COL4A5: variants seen among roughly 807,000 people sequenced by gnomAD.
The protein encoded by COL4A5 is collagen type IV alpha 5 chain.
Under a neutral mutation model 130.2 loss-of-function variants are expected in COL4A5, and 26 were observed. The observed-to-expected ratio is 0.20, with a 90% CI of 0.15 to 0.28. The LOEUF is 0.28. Among genes scored for constraint, COL4A5 ranks in the 10% least tolerant of loss-of-function variants. COL4A5 has a pLI of 1.00. For synonymous variants in COL4A5, 496 were observed against 439.6 expected, an observed-to-expected ratio of 1.13 and a Z score of -1.60; for missense variants, 1,131 against 1,344.3, an observed-to-expected ratio of 0.84 and a Z score of 2.48.
At chrX:108,577,499 T>G (rs2147769221) in intron 10 of COL4A5, among the ~76,000 whole-genome samples, 1 of 111,046 alleles carries the variant, frequency 9.0e-6, no homozygotes, top group Admixed American at 9.6e-5. Context: ...ATTTAATTTT[T>G]TAAACCTTGA....
At chrX:108,471,808 A>G (rs1346894340) in intron 1 of COL4A5, among the ~76,000 whole-genome samples, 1 of 110,875 alleles carries the variant, frequency 9.0e-6, no homozygotes, top group Non-Finnish European at 1.9e-5. Context: ...GATTGTCTCG[A>G]TTGTTTTTAT....
chrX:108,582,826 G>T, intron 16 of COL4A5, 58 bp from the exon 17 acceptor site: 1 of 959,280 alleles, frequency 1.0e-6, no homozygotes, highest in Non-Finnish European at 1.5e-6. Context: ...GACAATCTTT[G>T]GAGATTTCCT....
At chrX:108,509,058 A>G (rs1569479266) in intron 1 of COL4A5, among the ~76,000 whole-genome samples, 1 of 112,672 alleles carries the variant, frequency 8.9e-6, no homozygotes, top group African/African-American at 3.2e-5. Flanking sequence ...AAAATTGGCA[A>G]TGCGATCTAA....
At chrX:108,586,775 T>C (rs1487822349) in intron 19 of COL4A5, 28 bp downstream of exon 19, 1 of 1,192,664 alleles carries the variant, frequency 8.4e-7, no homozygotes, top group East Asian at 3.0e-5. Context: ...TATGGCCTTG[T>C]TCTTATAGCA....
chrX:108,566,190 A>G (rs1225438150), intron 4 of COL4A5, among the ~76,000 whole-genome samples: 3 of 110,457 alleles, frequency 2.7e-5, no homozygotes, highest in Non-Finnish European at 5.7e-5. Context: ...TAGGACAATG[A>G]GTTGCTACAC....
intron 37 of COL4A5, among the ~76,000 whole-genome samples, chrX:108,663,953 G>T (rs772110177): frequency 9.0e-4 from 101 of 111,952 alleles, no homozygotes; most frequent in Non-Finnish European, 1.8e-3. Flanking sequence ...TTGTGAGGCT[G>T]AGGCGGGCAG....
intron 47 of COL4A5, among the ~76,000 whole-genome samples, chrX:108,682,950 T>C (rs1443367495): frequency 2.7e-5 from 3 of 112,273 alleles, no homozygotes; most frequent in African/African-American, 9.7e-5. Context: ...TTTGGTGTTT[T>C]AGTCATGAAG....
intron 1 of COL4A5, among the ~76,000 whole-genome samples, chrX:108,461,331 G>A (rs969228371): frequency 9.0e-6 from 1 of 111,117 alleles, no homozygotes; most frequent in African/African-American, 3.3e-5. Flanking sequence ...CCCCTCAGAT[G>A]GTTAATGTTA....
rs140753501 is a variant in COL4A5, at chrX:108,621,838, G to A, written c.2713G>A (p.Gly905Ser). 8.3e-7 allele frequency: 1 copy of A among 1,208,425 alleles called. No individual in the cohort carries two copies. The highest frequency in any genetic ancestry group is 1.1e-6 in the Non-Finnish European group (1 of 893,901). The change falls in exon 32 of 53, where the codon GGC (glycine) becomes AGC (serine). Residue 905 changes from glycine (G) to serine (S), a missense_variant. By Grantham distance (56) the Gly-to-Ser change is moderately conservative. Transcript: ENST00000328300. ...TGAAATGGGTATGATGGGACCTCCA[G>A]GCCCACCAGGACCTTTGGGAATTCC... ...KGEMGMMGPP[G>S]PPGPLGIPGR...
chrX:108,455,869 T>C (rs1331288261), intron 1 of COL4A5, among the ~76,000 whole-genome samples: 1 of 112,252 alleles, frequency 8.9e-6, no homozygotes, highest in Non-Finnish European at 1.9e-5. Flanking sequence ...AGTATCACAC[T>C]GTATTGATTA....
At chrX:108,678,155 C>T (rs180739824) in intron 44 of COL4A5, among the ~76,000 whole-genome samples, 1 of 105,200 alleles carries the variant, frequency 9.5e-6, no homozygotes, top group African/African-American at 4.0e-5. Context: ...GTTTGAGTGA[C>T]CCAGAGCAGA....
chrX:108,542,212 G>A (rs1439549531), intron 2 of COL4A5, among the ~76,000 whole-genome samples: 3 of 110,759 alleles, frequency 2.7e-5, no homozygotes, highest in Non-Finnish European at 3.8e-5. Flanking sequence ...GCACCCATTA[G>A]CTCGTCATTT....
rs374629706 is a variant in COL4A5 at position 108,595,555 on chromosome X, A to C, written c.1470A>C (p.Ser490=). Residue 490 remains serine (S), a synonymous_variant, in exon 22 of 53, where the codon TCA becomes TCC. Transcript: ENST00000328300. The part of the protein sequence containing the change: ...TCFNCIGTGI[S]GPPGQPGLPG... ...TCAACTGCATTGGAACTGGTATTTC[A>C]GGGCCTCCAGGTCAACCTGGTTTGC... The C allele has an allele frequency of 1.7e-5, 21 of 1,212,042 alleles. No homozygotes were observed. The highest frequency in any genetic ancestry group is 2.2e-5 in the Non-Finnish European group (20 of 895,510).
At position 108,580,754 on chromosome X, in the gene COL4A5, G is replaced by T; in HGVS notation, c.891+16G>T. 8.4e-7 allele frequency: 1 copy of T among 1,197,069 alleles called. No homozygotes were observed. Among genetic ancestry groups the T allele is most frequent in the East Asian group, 3.0e-5 (1 of 33,781 alleles). On this transcript the variant is annotated intron_variant, in intron 15 of 52. Transcript: ENST00000328300. ...AGGCAAAAGAGTAAGTGATGTAACTGCTAATATTCTTTGCAAAAAAATTCT... is the reference window on the plus strand; with the variant it reads ...AGGCAAAAGAGTAAGTGATGTAACTTCTAATATTCTTTGCAAAAAAATTCT...
chrX:108,558,258 G>A (rs1270818924), intron 2 of COL4A5, among the ~76,000 whole-genome samples: 1 of 110,366 alleles, frequency 9.1e-6, no homozygotes, highest in African/African-American at 3.3e-5. Flanking sequence ...TTGTGTAACT[G>A]GATCCCCTAG....
rs1354723911 is a variant in COL4A5, at chrX:108,666,132, C to T, written c.3455-364C>T. ...TCCAGGGAGAGTTAATTCAAGTGTCCTAGAATAGAAGCTTTGATTTTTTTA... is the reference window on the plus strand; with the variant it reads ...TCCAGGGAGAGTTAATTCAAGTGTCTTAGAATAGAAGCTTTGATTTTTTTA... On this transcript the variant is annotated intron_variant, in intron 38 of 52. Coordinates refer to ENST00000328300, the MANE Select transcript of COL4A5 (RefSeq NM_033380.3). 5.4e-5 allele frequency among the ~76,000 whole-genome samples: 6 copies of T among 110,492 alleles called. No homozygotes were observed. In the South Asian group the frequency reaches 1.5e-3, roughly 28 times the overall value.
At chrX:108,614,131 T>A (rs981865049) in intron 29 of COL4A5, among the ~76,000 whole-genome samples, 2 of 111,945 alleles carry the variant, frequency 1.8e-5, no homozygotes, top group African/African-American at 6.5e-5. Flanking sequence ...TGGGTGAATC[T>A]CAAATGCATT....
chrX:108,479,703 A>G (rs1379120069), intron 1 of COL4A5, among the ~76,000 whole-genome samples: 2 of 111,540 alleles, frequency 1.8e-5, no homozygotes, highest in Non-Finnish European at 3.8e-5. Context: ...CTCGAGCCCA[A>G]TCACGTATAT....
intron 1 of COL4A5, among the ~76,000 whole-genome samples, chrX:108,532,096 C>A (rs996023930): frequency 1.8e-5 from 2 of 111,597 alleles, no homozygotes; most frequent in Admixed American, 9.5e-5. Context: ...TCGAGGACAG[C>A]ATCACCCTGA....
Sources: gnomAD v4.1 joint callset for allele counts (sites outside exome capture counted in the v4.1 genomes callset) on GRCh38, gnomAD v4.1.1 for gene constraint, MANE v1.5 for transcripts, NCBI Gene and HGNC (gene_info 2026-07-23, HGNC 2026-07-21) for gene names.